Variants in SHTN1 observed in about 807,000 individuals in gnomAD.
SHTN1 encodes shootin-1.
Under a neutral mutation model 83.1 loss-of-function variants are expected in SHTN1, and 42 were observed. The ratio of observed to expected loss-of-function variants is 0.51; its 90% CI spans 0.39 to 0.65. SHTN1 has a LOEUF of 0.65. Ranked by LOEUF, SHTN1 falls within the 30% of genes least tolerant of loss-of-function variation. The probability of loss-of-function intolerance (pLI) is 0.00; values close to 1 mark genes in which losing one functional copy is unlikely to be tolerated. For missense variants in SHTN1, 622 were observed against 737.8 expected (o/e 0.84, Z 1.82); for synonymous variants, 224 against 247.7 (o/e 0.90, Z 0.90).
chr10:116,951,920 C>G lies in SHTN1; in HGVS notation c.523G>C (p.Val175Leu). ...LENLKSKLVE[V>L]IEEVNKVKQE... ...CCTGAGATACATACTTCTTCAATTA[C>G]TTCTACGAGTTTGCTCTTGAGATTT... Residue 175 changes from valine to leucine, a missense_variant, in exon 6 of 17, where the codon GTA (valine) becomes CTA (leucine). Physicochemically the swap from Val to Leu is conservative, Grantham distance 32. This residue lies in a region of SHTN1 where 383 missense variants were observed against 455.8 expected (regional missense o/e 0.84). Coordinates refer to ENST00000355371, the MANE Select transcript of SHTN1 (RefSeq NM_001127211.3). 1.3e-6 allele frequency: 2 copies of G among 1,582,902 alleles called. No individual in the cohort carries two copies. Among genetic ancestry groups the G allele is most frequent in the African/African-American group, 2.7e-5 (2 of 74,340 alleles).
intron 2 of SHTN1, among the ~76,000 whole-genome samples, chr10:116,971,463 C>T (rs367918592): frequency 3.9e-5 from 6 of 152,156 alleles, no homozygotes; most frequent in East Asian, 3.8e-4. Context: ...TCAACCCAAA[C>T]GGACTACATT....
At chr10:116,962,209 G>A (rs1326056761) in intron 3 of SHTN1, among the ~76,000 whole-genome samples, 1 of 152,062 alleles carries the variant, frequency 6.6e-6, no homozygotes, top group Admixed American at 6.5e-5. Flanking sequence ...GTTTATGCCA[G>A]AAGAACAAAT....
chr10:117,097,254 T>C (rs780839825), intron 1 of SHTN1, among the ~76,000 whole-genome samples: 21 of 152,248 alleles, frequency 1.4e-4, no homozygotes, highest in Non-Finnish European at 2.4e-4. Context: ...ATTCCCACTC[T>C]GCTCAACCCC....
At chr10:116,915,542 A>T (rs1308642076) in intron 12 of SHTN1, 58 bp from the exon 13 acceptor site, 9 of 963,314 alleles carry the variant, frequency 9.3e-6, no homozygotes, top group African/African-American at 3.3e-5. Flanking sequence ...GCTACTTCCT[A>T]TTTTTGGTGA....
At chr10:116,970,225 A>T (rs537802729) in intron 2 of SHTN1, among the ~76,000 whole-genome samples, 2 of 152,314 alleles carry the variant, frequency 1.3e-5, no homozygotes, top group East Asian at 3.9e-4. Flanking sequence ...AAAAACTTCT[A>T]TCAAAATTGA....
intron 6 of SHTN1, among the ~76,000 whole-genome samples, chr10:116,949,675 A>C (rs1355473780): frequency 6.6e-6 from 1 of 152,180 alleles, no homozygotes; most frequent in Non-Finnish European, 1.5e-5. Flanking sequence ...AATTTAAATA[A>C]AATACAATAA....
At position 116,916,573 on chromosome 10, in the gene SHTN1, G is replaced by A. The variant is rs1848391974; in HGVS notation, c.1196-1089C>T. On this transcript the variant is annotated intron_variant, in intron 12 of 16. Coordinates refer to ENST00000355371, the MANE Select transcript of SHTN1 (RefSeq NM_001127211.3). The stretch of plus-strand genomic sequence containing the variant: ...AGAAATGACTAAACCCCAAAAGGCT[G>A]GCTTCTAAATGCCAGGCAATCACTA... Among the ~76,000 whole-genome samples the A allele has an allele frequency of 2.0e-5, 3 of 152,276 alleles. No individual in the cohort carries two copies. The South Asian group carries it at 6.2e-4, about 32-fold the overall frequency.
At chr10:116,935,644 T>C (rs1210053605) in intron 9 of SHTN1, among the ~76,000 whole-genome samples, 1 of 152,222 alleles carries the variant, frequency 6.6e-6, no homozygotes, top group Non-Finnish European at 1.5e-5. Context: ...GTTGTGTTTC[T>C]GCCAGGTTTT....
At position 116,886,230 on chromosome 10, in the gene SHTN1, T is replaced by C; in HGVS notation, c.*114A>G. On this transcript the variant is annotated 3_prime_UTR_variant, in exon 17 of 17. Coordinates refer to ENST00000355371, the MANE Select transcript of SHTN1 (RefSeq NM_001127211.3). Reference sequence around the variant, plus strand: ...AAAAGTGACACCAGAAAAGAACCTGTATTCTGAATACAGTGACCAGAGCAG... The same window carrying C: ...AAAAGTGACACCAGAAAAGAACCTGCATTCTGAATACAGTGACCAGAGCAG... 7.1e-7 allele frequency: 1 copy of C among 1,400,628 alleles called. No individual in the cohort carries two copies. The highest frequency in any genetic ancestry group is 1.4e-5 in the South Asian group (1 of 69,556). 86.8% of individuals were successfully genotyped at this position (1,400,628 alleles called of 1,614,324 possible).
At chr10:116,952,582 CAT>C (rs1849814099) in intron 5 of SHTN1, among the ~76,000 whole-genome samples, 1 of 152,060 alleles carries the variant, frequency 6.6e-6, no homozygotes, top group Non-Finnish European at 1.5e-5. Flanking sequence ...AAATTTATTT[CAT>C]AGTTTTATTA....
At chr10:117,084,359 G>T (rs1853315949) in intron 1 of SHTN1, among the ~76,000 whole-genome samples, 1 of 152,200 alleles carries the variant, frequency 6.6e-6, no homozygotes, top group Non-Finnish European at 1.5e-5. Context: ...GGCTGCTCGG[G>T]GGTCAGGGAC....
At chr10:117,017,230 G>A (rs548872865) in intron 2 of SHTN1, among the ~76,000 whole-genome samples, 2 of 152,260 alleles carry the variant, frequency 1.3e-5, no homozygotes, top group South Asian at 2.1e-4. Flanking sequence ...GGTGGCTCAC[G>A]CCTGTAATCC....
rs533865283 is a variant in SHTN1 at position 116,966,007 on chromosome 10, G to C, written c.172+2645C>G. Among the ~76,000 whole-genome samples the C allele has an allele frequency of 2.8e-4, 42 of 151,018 alleles. No individual in the cohort carries two copies. The South Asian group carries it at 8.8e-3, about 32-fold the overall frequency. ...AGTTTTCTTAGTCCTTATTTTTTTT[G>C]TTTTTTTGGGGTTTTTTTGAGACGG... On this transcript the variant is annotated intron_variant, in intron 3 of 16. Coordinates refer to ENST00000355371, the MANE Select transcript of SHTN1 (RefSeq NM_001127211.3).
chr10:116,926,583 C>T (rs1848752170), intron 11 of SHTN1, among the ~76,000 whole-genome samples: 1 of 152,102 alleles, frequency 6.6e-6, no homozygotes, highest in Admixed American at 6.6e-5. Context: ...GGCAAAGTCC[C>T]ATTTTCATAG....
upstream of SHTN1, chr10:117,005,245 A>G (rs1345373188): frequency 5.7e-5 from 85 of 1,479,002 alleles, no homozygotes; most frequent in Non-Finnish European, 6.8e-5. Flanking sequence ...GAGTGAGATC[A>G]TCCCCACGCA....
chr10:116,949,349 C>T lies in SHTN1; in HGVS notation c.535-352G>A, dbSNP rs540075144. On this transcript the variant is annotated intron_variant, in intron 6 of 16. Transcript: ENST00000355371. The stretch of plus-strand genomic sequence containing the variant: ...TCTCCTATGTTGCCGAGGCTGGTCT[C>T]GAACTCCTGGGCTCAAGCAATCCTC... Among the ~76,000 whole-genome samples, 3 of 152,018 alleles carry T rather than the reference C, an allele frequency of 2.0e-5. No homozygotes were observed. In the South Asian group the frequency reaches 6.2e-4, roughly 32 times the overall value.
intron 1 of SHTN1, among the ~76,000 whole-genome samples, chr10:116,992,868 T>C (rs377648077): frequency 6.6e-6 from 1 of 152,240 alleles, no homozygotes; most frequent in South Asian, 2.1e-4. Flanking sequence ...CTCTTTGTTC[T>C]CTCTATTGGA....
At chr10:116,983,722 A>G (rs76027084) in intron 1 of SHTN1, among the ~76,000 whole-genome samples, 2 of 150,302 alleles carry the variant, frequency 1.3e-5, no homozygotes, top group Non-Finnish European at 3.0e-5. Context: ...ATACATACAT[A>G]CATGCATATA....
At chr10:116,917,237 A>G (rs1376235552) in intron 12 of SHTN1, among the ~76,000 whole-genome samples, 1 of 152,216 alleles carries the variant, frequency 6.6e-6, no homozygotes, top group African/African-American at 2.4e-5. Flanking sequence ...CTCAAAACCC[A>G]GGGAGATAAA....
Sources: gnomAD v4.1 joint callset for allele counts (sites outside exome capture counted in the v4.1 genomes callset) on GRCh38, gnomAD v4.1.1 for gene constraint, gnomAD v4.1.1 regional missense constraint, MANE v1.5 for transcripts, NCBI Gene and HGNC (gene_info 2026-07-23, HGNC 2026-07-21) for gene names.